The following RYR3 variants were observed in gnomAD, a reference collection of about 807,000 sequenced individuals.
RYR3 encodes ryanodine receptor 3.
In RYR3, 207 loss-of-function variants were observed where a neutral mutation model predicts 584.3. The ratio of observed to expected loss-of-function variants is 0.35; its 90% CI spans 0.32 to 0.40. The LOEUF is 0.40. Among genes scored for constraint, RYR3 ranks in the 10% least tolerant of loss-of-function variants. The pLI is 1.00. For synonymous variants in RYR3, 2,416 were observed against 2,248.5 expected, an observed-to-expected ratio of 1.07 and a Z score of -2.11; for missense variants, 5,616 against 6,089.2, an observed-to-expected ratio of 0.92 and a Z score of 2.59.
chr15:33,757,287 A>C (rs1244468813), intron 59 of RYR3, among the ~76,000 whole-genome samples, 188 bp from the exon 60 acceptor site: 1 of 152,160 alleles, frequency 6.6e-6, no homozygotes, highest in Non-Finnish European at 1.5e-5. Flanking sequence ...CATGCCCTTA[A>C]GGACTCTGGT....
At chr15:33,549,861 G>A (rs2056543012) in intron 9 of RYR3, among the ~76,000 whole-genome samples, 1 of 152,128 alleles carries the variant, frequency 6.6e-6, no homozygotes, top group African/African-American at 2.4e-5. Flanking sequence ...GTGGTTATTT[G>A]CATCAAGAAC....
intron 1 of RYR3, among the ~76,000 whole-genome samples, chr15:33,425,780 T>C (rs548598979): frequency 8.6e-5 from 13 of 151,734 alleles, no homozygotes; most frequent in Admixed American, 4.6e-4. Flanking sequence ...TAGCTGGGAC[T>C]ACAGGCGCCC....
Position 33,722,865 on chromosome 15 carries a change from A to G in RYR3, c.6770A>G (p.Asp2257Gly). Residue 2257 changes from aspartate to glycine, a missense_variant, in exon 44 of 104, where the codon GAC (aspartate) becomes GGC (glycine). This residue lies in a region of RYR3 where 1,280 missense variants were observed against 1,426.2 expected (regional missense o/e 0.90). Coordinates refer to ENST00000634891, the MANE Select transcript of RYR3 (RefSeq NM_001036.6). Reference sequence around the variant, plus strand: ...AAGATCTCTGAGAACCCAGCGCTCGACCTCCCCTCTCAAGGATACAAAAGA... The same window carrying G: ...AAGATCTCTGAGAACCCAGCGCTCGGCCTCCCCTCTCAAGGATACAAAAGA... ...AIKISENPAL[D>G]LPSQGYKREV... The G allele has an allele frequency of 6.3e-7, 1 of 1,592,718 alleles. No individual in the cohort carries two copies. The highest frequency in any genetic ancestry group is 8.5e-7 in the Non-Finnish European group (1 of 1,171,262).
chr15:33,531,044 G>A (rs2054823215), intron 4 of RYR3, among the ~76,000 whole-genome samples: 1 of 151,998 alleles, frequency 6.6e-6, no homozygotes, highest in Non-Finnish European at 1.5e-5. Context: ...TAGTATACAA[G>A]GATAACCAGC....
intron 18 of RYR3, among the ~76,000 whole-genome samples, chr15:33,612,250 G>A (rs1291733015): frequency 6.6e-6 from 1 of 152,240 alleles, no homozygotes; most frequent in Non-Finnish European, 1.5e-5. Context: ...TGAAAGAGAT[G>A]TGAAGAAGTT....
At chr15:33,552,074 A>G (rs927472269) in intron 10 of RYR3, among the ~76,000 whole-genome samples, 5 of 152,194 alleles carry the variant, frequency 3.3e-5, no homozygotes, top group African/African-American at 1.2e-4. Context: ...CACTCGGGAT[A>G]TGCTGCCAGG....
intron 1 of RYR3, among the ~76,000 whole-genome samples, chr15:33,464,068 T>C (rs2048252955): frequency 6.6e-6 from 1 of 152,110 alleles, no homozygotes; most frequent in Admixed American, 6.6e-5. Flanking sequence ...TTTCAGGCAT[T>C]GAATATACAA....
At chr15:33,821,151 C>T (rs570848916) in intron 78 of RYR3, 119 bp from the exon 79 acceptor site, 11 of 733,428 alleles carry the variant, frequency 1.5e-5, no homozygotes, top group Non-Finnish European at 2.3e-5. Context: ...CTGCTTTATC[C>T]AAGTTGATGT....
chr15:33,442,759 A>T (rs1032977146), intron 1 of RYR3, among the ~76,000 whole-genome samples: 1 of 152,252 alleles, frequency 6.6e-6, no homozygotes, highest in Non-Finnish European at 1.5e-5. Context: ...ATCAGTAAAC[A>T]TTTAAAACAT....
intron 1 of RYR3, among the ~76,000 whole-genome samples, chr15:33,410,054 A>AT (rs569577919): frequency 6.6e-6 from 1 of 152,006 alleles, no homozygotes; most frequent in African/African-American, 2.4e-5. Flanking sequence ...ATATTCCCTT[A>AT]TTTTTTTTCT....
rs549398929 is a variant in RYR3 at position 33,786,078 on chromosome 15, A to G, written c.9589+96A>G. 3.6e-6 allele frequency: 4 copies of G among 1,110,776 alleles called. No individual in the cohort carries two copies. In the East Asian group the frequency reaches 9.7e-5, roughly 27 times the overall value. The allele number at this position is 1,110,776 out of a possible 1,614,324, so 68.8% of individuals were successfully genotyped here. A position where few individuals can be genotyped will look rare whatever the true frequency, so the allele number is the denominator to read the frequency against. On this transcript the variant is annotated intron_variant, in intron 66 of 103. Transcript: ENST00000634891. Reference sequence around the variant, plus strand: ...ATTAATTCCAAGATGGTTTTGCACAAGCTCTATTCTATATTTAAACCTCCC... The same window carrying G: ...ATTAATTCCAAGATGGTTTTGCACAGGCTCTATTCTATATTTAAACCTCCC...
At chr15:33,796,895 A>C (rs1234518679) in intron 67 of RYR3, among the ~76,000 whole-genome samples, 1 of 152,214 alleles carries the variant, frequency 6.6e-6, no homozygotes, top group African/African-American at 2.4e-5. Context: ...AGTGGGATAC[A>C]TATATACACA....
chr15:33,422,598 G>A (rs2044316383), intron 1 of RYR3, among the ~76,000 whole-genome samples: 1 of 152,050 alleles, frequency 6.6e-6, no homozygotes. Context: ...TTGGGGTAGG[G>A]GTGGTATGTG....
chr15:33,651,799 T>C (rs17236399), intron 31 of RYR3, among the ~76,000 whole-genome samples: 3,154 of 152,290 alleles, frequency 0.021, 57 homozygotes, highest in South Asian at 0.087. Flanking sequence ...ATCACCCTTT[T>C]ATTTAACTTG....
intron 38 of RYR3, among the ~76,000 whole-genome samples, chr15:33,673,252 A>G (rs569308183): frequency 2.6e-5 from 4 of 152,368 alleles, no homozygotes; most frequent in African/African-American, 9.6e-5. Flanking sequence ...ATTTTCAGAT[A>G]AGGTGGTGGT....
chr15:33,736,084 C>G, intron 48 of RYR3, 151 bp from the exon 49 acceptor site: 1 of 574,484 alleles, frequency 1.7e-6, no homozygotes, highest in East Asian at 2.9e-5. Context: ...TCAAGTGTTT[C>G]ATCATCTACT....
At chr15:33,755,544 C>T (rs1163660000) in intron 58 of RYR3, among the ~76,000 whole-genome samples, 1 of 152,088 alleles carries the variant, frequency 6.6e-6, no homozygotes, top group Non-Finnish European at 1.5e-5. Context: ...ATCACTTGAA[C>T]CTGGGAGGCA....
chr15:33,337,916 T>G (rs1011291380), intron 1 of RYR3, among the ~76,000 whole-genome samples: 2 of 147,576 alleles, frequency 1.4e-5, no homozygotes, highest in Admixed American at 6.8e-5. Flanking sequence ...ATGAGACAAG[T>G]CTCAATCATT....
At chr15:33,827,529 C>T (rs1027133319) in intron 85 of RYR3, among the ~76,000 whole-genome samples, 2 of 152,150 alleles carry the variant, frequency 1.3e-5, no homozygotes, top group African/African-American at 4.8e-5. Context: ...TTAGTTTTGC[C>T]AGTGAAAACC....
Sources: gnomAD v4.1 joint callset for allele counts (sites outside exome capture counted in the v4.1 genomes callset) on GRCh38, gnomAD v4.1.1 for gene constraint, gnomAD v4.1.1 regional missense constraint, MANE v1.5 for transcripts, NCBI Gene and HGNC (gene_info 2026-07-23, HGNC 2026-07-21) for gene names.